URB1: variants seen among roughly 807,000 people sequenced by gnomAD.
URB1 encodes the protein URB1 ribosome biogenesis factor, also known as nucleolar pre-ribosomal-associated protein 1.
URB1 carries 197 observed loss-of-function variants against 242.3 expected under a neutral mutation model. The observed-to-expected ratio is 0.81, with a 90% CI of 0.72 to 0.91. The LOEUF is 0.91. Ranked by LOEUF, URB1 falls within the 40% of genes least tolerant of loss-of-function variation. URB1 has a pLI of 0.00. For missense variants in URB1, 2,721 were observed against 2,860.5 expected, an observed-to-expected ratio of 0.95 and a Z score of 1.11; for synonymous variants, 1,153 against 1,201.8, an observed-to-expected ratio of 0.96 and a Z score of 0.84.
chr21:32,359,869 G>A lies in URB1; in HGVS notation c.1796C>T (p.Pro599Leu). 6.5e-7 allele frequency: 1 copy of A among 1,548,242 alleles called. No individual in the cohort carries two copies. The highest frequency in any genetic ancestry group is 8.7e-7 in the Non-Finnish European group (1 of 1,145,710). ...CTTCAGCATGTGGTGCTGCAGAATG[G>A]GAGGCACCTCCTCTCGAAGGCCCTG... is the stretch of plus-strand genomic sequence containing the variant. ...SEQGLREEVPPILQHHMLKVA... is the reference protein window; with the variant it reads ...SEQGLREEVPLILQHHMLKVA... Residue 599 changes from proline (P) to leucine (L), a missense_variant, in exon 14 of 39, where the codon CCC (proline) becomes CTC (leucine). By Grantham distance (98) the Pro-to-Leu change is moderately conservative. Coordinates refer to ENST00000382751, the MANE Select transcript of URB1 (RefSeq NM_014825.3).
In URB1 at chr21:32,313,397, G is replaced by C. The variant is rs1205206888; in HGVS notation, c.*1521C>G. On this transcript the variant is annotated 3_prime_UTR_variant, in exon 39 of 39. Transcript: ENST00000382751. Reference sequence around the variant, plus strand: ...GAACCAGGAAGAGAACGCTTTGTTGGAGCAGCGCTTGCCTGAGTCCAGCTT... The same window carrying C: ...GAACCAGGAAGAGAACGCTTTGTTGCAGCAGCGCTTGCCTGAGTCCAGCTT... 1 of 152,292 alleles carries C rather than the reference G, an allele frequency of 6.6e-6. No homozygotes were observed. The highest frequency in any genetic ancestry group is 2.4e-5 in the African/African-American group (1 of 41,462). 9.4% of individuals were successfully genotyped at this position (152,292 alleles called of 1,614,324 possible).
At chr21:32,387,600 C>CAAAA (rs764839350) in intron 1 of URB1, among the ~76,000 whole-genome samples, 3 of 124,746 alleles carry the variant, frequency 2.4e-5, no homozygotes, top group Admixed American at 8.3e-5. Context: ...TCACCTTATT[C>CAAAA]AAAAAAAAAA....
At position 32,319,350 on chromosome 21, in the gene URB1, G is replaced by A; in HGVS notation, c.5659C>T (p.Leu1887=). ...TCCCACTCCACTGCCTTGTCCCCCAGGTTGGTCACCCACAGTGTGTGTAGC... is the reference window on the plus strand; with the variant it reads ...TCCCACTCCACTGCCTTGTCCCCCAAGTTGGTCACCCACAGTGTGTGTAGC... ...SLLHTLWVTN[L]GDKAVEWESQ... is the part of the protein sequence containing the mutation. Residue 1887 remains leucine, a synonymous_variant, in exon 36 of 39, where the codon CTG becomes TTG. Transcript: ENST00000382751. 1 of 1,551,096 alleles carries A rather than the reference G, an allele frequency of 6.4e-7. No individual in the cohort carries two copies. Among genetic ancestry groups the A allele is most frequent in the Non-Finnish European group, 8.7e-7 (1 of 1,146,692 alleles).
In URB1 at chr21:32,355,486, T is replaced by C; in HGVS notation, c.2069A>G (p.Glu690Gly). 6.4e-7 allele frequency: 1 copy of C among 1,551,858 alleles called. No individual in the cohort carries two copies. Among genetic ancestry groups the C allele is most frequent in the Non-Finnish European group, 8.7e-7 (1 of 1,147,028 alleles). The change falls in exon 16 of 39, where the codon GAA becomes GGA. Residue 690 changes from glutamate (E) to glycine (G), a missense_variant. Glu to Gly is a moderately conservative substitution (Grantham distance 98). Coordinates refer to ENST00000382751, the MANE Select transcript of URB1 (RefSeq NM_014825.3). ...LWLEHLENTMEEDKETVIQFL... is the reference protein window; with the variant it reads ...LWLEHLENTMGEDKETVIQFL... The stretch of plus-strand genomic sequence containing the variant: ...CTGAATCACAGTCTCTTTGTCCTCT[T>C]CCATGGTGTTCTCTAAATGCTCCAG...
chr21:32,347,572 C>T lies in URB1; in HGVS notation c.3252G>A (p.Leu1084=). The part of the protein sequence containing the change: ...RYSEAITQSV[L]KELQNRRAGP... ...CCGCCCTCCTGTTCTGAAGTTCCTTCAGCACACTCTGGGTGATGGCCTCTG... is the reference window on the plus strand; with the variant it reads ...CCGCCCTCCTGTTCTGAAGTTCCTTTAGCACACTCTGGGTGATGGCCTCTG... The change falls in exon 22 of 39, where the codon CTG becomes CTA. Residue 1084 remains leucine (L), a synonymous_variant. Coordinates refer to ENST00000382751, the MANE Select transcript of URB1 (RefSeq NM_014825.3). The T allele has an allele frequency of 6.4e-7, 1 of 1,551,362 alleles. No individual in the cohort carries two copies. Among genetic ancestry groups the T allele is most frequent in the African/African-American group, 1.4e-5 (1 of 73,182 alleles).
At chr21:32,384,219 G>C in intron 3 of URB1, 94 bp downstream of exon 3, 2 of 1,414,874 alleles carry the variant, frequency 1.4e-6, no homozygotes, top group South Asian at 2.9e-5. Flanking sequence ...CTCTCCTCTA[G>C]CCATAAAGGT....
At position 32,392,993 on chromosome 21, in the gene URB1, T is replaced by A. The variant is rs986306400; in HGVS notation, c.-83A>T. ...ACTGGCACAGACAGCAGACACGCGC[T>A]TCAGGCCCACATGGCGCAGGAAGAG... On this transcript the variant is annotated 5_prime_UTR_variant, in exon 1 of 39. In the 5' UTR this introduces an upstream ATG that the reference lacks. Transcript: ENST00000382751. The A allele has an allele frequency of 1.4e-4, 195 of 1,402,204 alleles. No homozygotes were observed. Among genetic ancestry groups the A allele is most frequent in the Non-Finnish European group, 1.6e-4 (174 of 1,075,244 alleles). The allele number at this position is 1,402,204 out of a possible 1,614,324, so 86.9% of individuals were successfully genotyped here.
intron 21 of URB1, 81 bp downstream of exon 21, chr21:32,349,223 T>G: frequency 7.0e-7 from 1 of 1,421,894 alleles, no homozygotes; most frequent in Non-Finnish European, 9.3e-7. Context: ...AATGGACCTA[T>G]GTTTGTTTTT....
At position 32,337,507 on chromosome 21, in the gene URB1, C is replaced by T; in HGVS notation, c.4518G>A (p.Leu1506=). The stretch of plus-strand genomic sequence containing the variant: ...CCACCACCGTCAGCATCAGGTCCAC[C>T]AGCGCTTCTGCAAGAAAACAACCCT... ...ESPDSQVKEA[L]VDLMLTVVEM... Residue 1506 remains leucine, a synonymous_variant, in exon 27 of 39, where the codon CTG becomes CTA. Coordinates refer to ENST00000382751, the MANE Select transcript of URB1 (RefSeq NM_014825.3). 6.4e-7 allele frequency: 1 copy of T among 1,551,532 alleles called. No homozygotes were observed. The highest frequency in any genetic ancestry group is 2.4e-5 in the East Asian group (1 of 40,898).
At position 32,366,714 on chromosome 21, in the gene URB1, G is replaced by T; in HGVS notation, c.1239C>A (p.Thr413=). ...AQPEISRAFQ[T]REFIPLPRLL... is the part of the protein sequence containing the mutation. Reference sequence around the variant, plus strand: ...GCCGAGGCAAGGGTATAAACTCTCTGGTCTGAAATGCCCGGGAAATCTCCG... The same window carrying T: ...GCCGAGGCAAGGGTATAAACTCTCTTGTCTGAAATGCCCGGGAAATCTCCG... The change falls in exon 10 of 39, where the codon ACC becomes ACA. Residue 413 remains threonine (T), a synonymous_variant. Coordinates refer to ENST00000382751, the MANE Select transcript of URB1 (RefSeq NM_014825.3). The T allele has an allele frequency of 6.4e-7, 1 of 1,551,414 alleles. No individual in the cohort carries two copies. The highest frequency in any genetic ancestry group is 8.7e-7 in the Non-Finnish European group (1 of 1,146,834).
intron 13 of URB1, among the ~76,000 whole-genome samples, chr21:32,360,575 C>T (rs1293895352): frequency 5.3e-5 from 8 of 152,160 alleles, no homozygotes; most frequent in African/African-American, 1.9e-4. Flanking sequence ...AGCATTGTTA[C>T]TTTTACAAGT....
chr21:32,348,317 G>A (rs2033117572), intron 21 of URB1, among the ~76,000 whole-genome samples: 1 of 152,182 alleles, frequency 6.6e-6, no homozygotes, highest in Non-Finnish European at 1.5e-5. Flanking sequence ...CAGTTTAGAT[G>A]AGACCATGTG....
rs1460161313 is a variant in URB1, at chr21:32,355,577, T to C, written c.1990-12A>G. On this transcript the variant is annotated splice_polypyrimidine_tract_variant and intron_variant, in intron 15 of 38. Coordinates refer to ENST00000382751, the MANE Select transcript of URB1 (RefSeq NM_014825.3). ...GTGTCCCGCAGAATCTGCCAGGAAG[T>C]AGGCACCGGTGAAAAAGTCAGAACA... The C allele has an allele frequency of 2.6e-5, 40 of 1,546,614 alleles. No individual in the cohort carries two copies. The highest frequency in any genetic ancestry group is 3.2e-5 in the Non-Finnish European group (37 of 1,142,510).
At position 32,347,781 on chromosome 21, in the gene URB1, T is replaced by C. The variant is rs1416409752; in HGVS notation, c.3043A>G (p.Arg1015Gly). 5 of 1,546,768 alleles carry C rather than the reference T, an allele frequency of 3.2e-6. No homozygotes were observed. The Admixed American group carries it at 9.8e-5, about 30-fold the overall frequency. Residue 1015 changes from arginine (R) to glycine (G), a missense_variant, in exon 22 of 39, where the codon AGG becomes GGG. Transcript: ENST00000382751. ...TLEEVLVAIL[R>G]HPTLEGWFLA... ...AACCAGCCCTCCAGGGTGGGGTGCCTGAGGATGGCCACAAGCACCTCCTCC... is the reference window on the plus strand; with the variant it reads ...AACCAGCCCTCCAGGGTGGGGTGCCCGAGGATGGCCACAAGCACCTCCTCC...
Position 32,355,003 on chromosome 21 carries a change from C to G in URB1, c.2107-6G>C. ...GCCACCAATGTCAATAAAATCTGGG[C>G]ATTAAAGAGCCAAATAGAAAGCATT... On this transcript the variant is annotated splice_region_variant and splice_polypyrimidine_tract_variant and intron_variant, in intron 16 of 38. Coordinates refer to ENST00000382751, the MANE Select transcript of URB1 (RefSeq NM_014825.3). 1.3e-6 allele frequency: 2 copies of G among 1,545,286 alleles called. No homozygotes were observed. The highest frequency in any genetic ancestry group is 2.7e-5 in the African/African-American group (2 of 73,002).
chr21:32,385,171 C>G (rs1312565361), intron 2 of URB1, among the ~76,000 whole-genome samples: 1 of 152,156 alleles, frequency 6.6e-6, no homozygotes, highest in Non-Finnish European at 1.5e-5. Flanking sequence ...CATCAATATC[C>G]CAATGTTCAA....
intron 4 of URB1, among the ~76,000 whole-genome samples, chr21:32,382,824 T>C (rs1158483897): frequency 2.0e-5 from 3 of 152,072 alleles, no homozygotes; most frequent in Non-Finnish European, 4.4e-5. Context: ...CCAAGAACCT[T>C]TCCAAACCCA....
At chr21:32,355,051 A>G (rs960649113) in intron 16 of URB1, 54 bp from the exon 17 acceptor site, 3 of 1,502,918 alleles carry the variant, frequency 2.0e-6, no homozygotes, top group Non-Finnish European at 2.7e-6. Context: ...GGTGAAATGA[A>G]GAAGCCAAAA....
intron 5 of URB1, among the ~76,000 whole-genome samples, chr21:32,375,834 G>C (rs1324837678): frequency 6.6e-6 from 1 of 152,048 alleles, no homozygotes; most frequent in African/African-American, 2.4e-5. Context: ...TAGTCTTACT[G>C]TAGTCTTAGG....
Sources: gnomAD v4.1 joint callset for allele counts (sites outside exome capture counted in the v4.1 genomes callset) on GRCh38, gnomAD v4.1.1 for gene constraint, MANE v1.5 for transcripts, NCBI Gene and HGNC (gene_info 2026-07-23, HGNC 2026-07-21) for gene names.